Variants in CFLAR observed in about 807,000 individuals in gnomAD.
The protein encoded by CFLAR is CASP8 and FADD-like apoptosis regulator.
CFLAR carries 14 observed loss-of-function variants against 51.1 expected under a neutral mutation model. The ratio of observed to expected loss-of-function variants is 0.27; its 90% CI spans 0.18 to 0.43. The LOEUF is 0.43. Among genes scored for constraint, CFLAR ranks in the 20% least tolerant of loss-of-function variants. The probability of loss-of-function intolerance (pLI) is 1.00; values close to 1 mark genes in which losing one functional copy is unlikely to be tolerated. For missense variants in CFLAR, 390 were observed against 566.5 expected, an observed-to-expected ratio of 0.69 and a Z score of 3.16; for synonymous variants, 210 against 211.6, an observed-to-expected ratio of 0.99 and a Z score of 0.06.
At chr2:201,146,749 G>A (rs1940271102) in intron 6 of CFLAR, 1 of 152,248 alleles carries the variant, frequency 6.6e-6, no homozygotes, top group Non-Finnish European at 1.5e-5. Context: ...TGTCCTGTGT[G>A]TGGTGGGACA....
chr2:201,152,601 G>T (rs1941461372), intron 8 of CFLAR, among the ~76,000 whole-genome samples: 1 of 152,198 alleles, frequency 6.6e-6, no homozygotes, highest in Non-Finnish European at 1.5e-5. Context: ...TCTCAGACAA[G>T]TGAGAGACCA....
rs375533711 is a variant in CFLAR at position 201,130,159 on chromosome 2, C to G, written c.281+13C>G. On this transcript the variant is annotated intron_variant, in intron 2 of 9. Transcript: ENST00000309955. Reference sequence around the variant, plus strand: ...TTTCGGACTATAGGTAATTCATCAACTCTTCCTGAGGCTGGGTGGGTGGGA... The same window carrying G: ...TTTCGGACTATAGGTAATTCATCAAGTCTTCCTGAGGCTGGGTGGGTGGGA... 8.9e-5 allele frequency: 89 copies of G among 996,220 alleles called. No homozygotes were observed. The highest frequency in any genetic ancestry group is 1.2e-4 in the Non-Finnish European group (89 of 747,896). The allele number at this position is 996,220 out of a possible 1,614,324, so 61.7% of individuals were successfully genotyped here. A position where few individuals can be genotyped will look rare whatever the true frequency, so the allele number is the denominator to read the frequency against.
At chr2:201,139,044 G>A (rs113350756) in intron 4 of CFLAR, 85,772 of 429,180 alleles carry the variant, frequency 0.2, 10,116 homozygotes, top group African/African-American at 0.38. Flanking sequence ...CTGTGTCTGT[G>A]TAGAAAGAAG....
At chr2:201,163,444 G>C (rs1943254904) in intron 9 of CFLAR, 1 of 1,109,270 alleles carries the variant, frequency 9.0e-7, no homozygotes, top group Non-Finnish European at 1.1e-6. Context: ...TAAATCTCAT[G>C]GCCTTCTTTA....
At chr2:201,128,354 C>T (rs898920544) in intron 1 of CFLAR, among the ~76,000 whole-genome samples, 1 of 152,102 alleles carries the variant, frequency 6.6e-6, no homozygotes, top group African/African-American at 2.4e-5. Flanking sequence ...GTAAAATAGT[C>T]TGAGTGCCAA....
At chr2:201,140,299 G>C in intron 4 of CFLAR, 58 bp from the exon 5 acceptor site, 1 of 1,581,372 alleles carries the variant, frequency 6.3e-7, no homozygotes, top group South Asian at 1.1e-5. Context: ...CACTATTGAA[G>C]ATTTATTTGA....
intron 1 of CFLAR, among the ~76,000 whole-genome samples, chr2:201,119,752 T>C (rs1428062614): frequency 6.6e-6 from 1 of 152,032 alleles, no homozygotes; most frequent in Admixed American, 6.6e-5. Context: ...AGTTGTATTA[T>C]AATTATGAGT....
intron 5 of CFLAR, chr2:201,141,608 GTT>G: frequency 7.7e-7 from 1 of 1,304,036 alleles, no homozygotes; most frequent in Non-Finnish European, 9.8e-7. Flanking sequence ...TTGTGCATTT[GTT>G]TTTTTACTGA....
rs981446600 is a variant in CFLAR, at chr2:201,164,803, A to G, written c.*830A>G. On this transcript the variant is annotated 3_prime_UTR_variant, in exon 10 of 10. Coordinates refer to ENST00000309955, the MANE Select transcript of CFLAR (RefSeq NM_003879.7). ...TTACCATAGACCAGGTGACTTAAAC[A>G]GCAGTTATTTCTCACAGTTCCGGAG... 1 of 152,236 alleles carries G rather than the reference A, an allele frequency of 6.6e-6. No homozygotes were observed. Among genetic ancestry groups the G allele is most frequent in the Non-Finnish European group, 1.5e-5 (1 of 68,048 alleles). 9.4% of individuals were successfully genotyped at this position (152,236 alleles called of 1,614,324 possible).
chr2:201,172,314 G>A lies in CFLAR; in HGVS notation c.*8341G>A, dbSNP rs575380840. 12 of 152,276 alleles carry A rather than the reference G, an allele frequency of 7.9e-5. No homozygotes were observed. In the East Asian group the frequency reaches 2.1e-3, roughly 27 times the overall value. 9.4% of individuals were successfully genotyped at this position (152,276 alleles called of 1,614,324 possible). ...GACCTTACTTTAGCAAGCAATGAAC[G>A]TGATGTAAACTATTGTTGATATAGT... On this transcript the variant is annotated 3_prime_UTR_variant, in exon 10 of 10. Coordinates refer to ENST00000309955, the MANE Select transcript of CFLAR (RefSeq NM_003879.7).
At chr2:201,162,372 G>T (rs1259806256) in intron 9 of CFLAR, 1 of 152,312 alleles carries the variant, frequency 6.6e-6, no homozygotes, top group African/African-American at 2.4e-5. Flanking sequence ...CCAAAAGTGA[G>T]CCACTGCGCC....
At chr2:201,154,861 A>G (rs1941894949) in intron 8 of CFLAR, among the ~76,000 whole-genome samples, 6 of 152,282 alleles carry the variant, frequency 3.9e-5, no homozygotes, top group Admixed American at 3.9e-4. Context: ...TGTGTGAAGC[A>G]AATATTAAGG....
In CFLAR at chr2:201,166,445, G is replaced by C. The variant is rs1943579118; in HGVS notation, c.*2472G>C. On this transcript the variant is annotated 3_prime_UTR_variant, in exon 10 of 10. Transcript: ENST00000309955. ...GGAGGGGCTCCTCACTTCTCAGACG[G>C]GGTGGCCGGGCAGAGAAGCTCCTCA... 6.1e-6 allele frequency: 1 copy of C among 165,160 alleles called. No homozygotes were observed. The highest frequency in any genetic ancestry group is 1.3e-5 in the Non-Finnish European group (1 of 76,368). The allele number at this position is 165,160 out of a possible 1,614,324, so 10.2% of individuals were successfully genotyped here.
rs1943783359 is a variant in CFLAR, at chr2:201,168,251, TAAATA to T, written c.*4281_*4285del. 1 of 151,838 alleles carries T rather than the reference TAAATA, an allele frequency of 6.6e-6. No homozygotes were observed. Among genetic ancestry groups the T allele is most frequent in the Admixed American group, 6.6e-5 (1 of 15,240 alleles). The allele number at this position is 151,838 out of a possible 1,614,324, so 9.4% of individuals were successfully genotyped here. On this transcript the variant is annotated 3_prime_UTR_variant, in exon 10 of 10. Transcript: ENST00000309955. ...TGCGAGACTCTGTCTCAAAAATAAA[TAAATA>T]AATAAATAATAAATAAAATGTTTGG...
At position 201,171,122 on chromosome 2, in the gene CFLAR, G is replaced by A. The variant is rs1943982332; in HGVS notation, c.*7149G>A. 6.6e-6 allele frequency: 1 copy of A among 152,134 alleles called. No individual in the cohort carries two copies. The highest frequency in any genetic ancestry group is 1.5e-5 in the Non-Finnish European group (1 of 68,026). The allele number at this position is 152,134 out of a possible 1,614,324, so 9.4% of individuals were successfully genotyped here. Reference sequence around the variant, plus strand: ...CTATGAGGATGCAAAGGCATAAGAAGGATACAATGGACTTTGGGGACTTAG... The same window carrying A: ...CTATGAGGATGCAAAGGCATAAGAAAGATACAATGGACTTTGGGGACTTAG... On this transcript the variant is annotated 3_prime_UTR_variant, in exon 10 of 10. Transcript: ENST00000309955.
chr2:201,143,116 C>G (rs2125799210), intron 5 of CFLAR, among the ~76,000 whole-genome samples: 1 of 152,274 alleles, frequency 6.6e-6, no homozygotes, highest in South Asian at 2.1e-4. Context: ...GAAGCATATT[C>G]ATTGCTATGT....
rs138142771 is a variant in CFLAR, at chr2:201,138,353, G to A, written c.524-2004G>A. 201 of 769,222 alleles carry A rather than the reference G, an allele frequency of 2.6e-4. 2 individuals are homozygous for A. The East Asian group carries it at 4.7e-3, about 18-fold the overall frequency. The allele number at this position is 769,222 out of a possible 1,614,324, so 47.6% of individuals were successfully genotyped here. A position where few individuals can be genotyped will look rare whatever the true frequency, so the allele number is the denominator to read the frequency against. On this transcript the variant is annotated intron_variant, in intron 4 of 9. Coordinates refer to ENST00000309955, the MANE Select transcript of CFLAR (RefSeq NM_003879.7). The surrounding 1 kb of genome is among the most constrained non-coding windows in gnomAD (Gnocchi z 4.0). ...CAGCAGCTGCTCATGGGAATCCTTG[G>A]AGGCCACAGGGTAGTCTCGGTTCTT...
At chr2:201,154,844 T>C (rs1156725100) in intron 8 of CFLAR, among the ~76,000 whole-genome samples, 4 of 152,300 alleles carry the variant, frequency 2.6e-5, no homozygotes, top group Non-Finnish European at 5.9e-5. Flanking sequence ...AGCACCATGC[T>C]TGGCCCTGTG....
At chr2:201,140,537 C>A in intron 5 of CFLAR, 98 bp downstream of exon 5, 1 of 881,194 alleles carries the variant, frequency 1.1e-6, no homozygotes, top group Non-Finnish European at 1.7e-6. Flanking sequence ...TATTTAATAT[C>A]TGAAAAAATT....
Sources: allele counts gnomAD v4.1 joint callset (sites outside exome capture counted in the v4.1 genomes callset), GRCh38; gene constraint gnomAD v4.1.1; non-coding constraint Gnocchi (gnomAD v3.1); transcripts MANE v1.5; gene names NCBI Gene and HGNC (gene_info 2026-07-23, HGNC 2026-07-21).